The following INTU variants were observed in gnomAD, a reference collection of about 807,000 sequenced individuals.
INTU encodes protein inturned.
Under a neutral mutation model 100.5 loss-of-function variants are expected in INTU, and 68 were observed. That is an observed-to-expected ratio of 0.68 (90% CI 0.56 to 0.83). INTU has a LOEUF of 0.83. Ranked by LOEUF, INTU falls within the 40% of genes least tolerant of loss-of-function variation. The pLI, the probability that INTU is intolerant of heterozygous loss-of-function variation, is 0.00. For synonymous variants in INTU, 357 were observed against 395.7 expected (o/e 0.90, Z 1.16); for missense variants, 1,071 against 1,114.7 (o/e 0.96, Z 0.56).
At chr4:127,659,673 C>T (rs1728387367) in intron 3 of INTU, among the ~76,000 whole-genome samples, 1 of 152,142 alleles carries the variant, frequency 6.6e-6, no homozygotes. Flanking sequence ...TATCCGGGAG[C>T]TTGGGTCCAA....
chr4:127,694,402 T>G (rs1730290743), intron 8 of INTU, among the ~76,000 whole-genome samples: 1 of 152,258 alleles, frequency 6.6e-6, no homozygotes, highest in African/African-American at 2.4e-5. Context: ...ATTGCTGTGT[T>G]ATCAGTTGTA....
At chr4:127,655,404 G>A (rs938614468) in intron 2 of INTU, among the ~76,000 whole-genome samples, 1 of 150,324 alleles carries the variant, frequency 6.7e-6, no homozygotes, top group Non-Finnish European at 1.5e-5. Context: ...GGTTTTTGGT[G>A]TGGATGTCCT....
intron 9 of INTU, among the ~76,000 whole-genome samples, chr4:127,702,131 A>T (rs185298363): frequency 7.9e-5 from 12 of 152,248 alleles, no homozygotes; most frequent in Admixed American, 7.9e-4. Context: ...TTTAATGAGC[A>T]GTGGAGTTAA....
In INTU at chr4:127,685,318, T is replaced by C; in HGVS notation, c.1259+832T>C. On this transcript the variant is annotated intron_variant, in intron 7 of 15. Coordinates refer to ENST00000335251, the MANE Select transcript of INTU (RefSeq NM_015693.4). ...TCTGAGGGCTAAAATGGTATCTTTA[T>C]GTTTAAAGCCTTAGGAGTATATCAG... 1.9e-5 allele frequency: 4 copies of C among 209,226 alleles called. No individual in the cohort carries two copies. The South Asian group carries it at 2.4e-4, about 13-fold the overall frequency. 13.0% of individuals were successfully genotyped at this position (209,226 alleles called of 1,614,324 possible).
chr4:127,660,745 A>T (rs1413219165), intron 3 of INTU, among the ~76,000 whole-genome samples: 1 of 152,188 alleles, frequency 6.6e-6, no homozygotes, highest in African/African-American at 2.4e-5. Context: ...CACAAAGAAG[A>T]GGGACATAGG....
chr4:127,635,493 A>G (rs1274061508), intron 1 of INTU, among the ~76,000 whole-genome samples: 1 of 152,210 alleles, frequency 6.6e-6, no homozygotes, highest in Admixed American at 6.5e-5. Flanking sequence ...TTCAAAGTGA[A>G]TTTTTTGTTG....
At chr4:127,705,940 G>A (rs1346459267) in intron 11 of INTU, 128 bp downstream of exon 11, 4 of 668,998 alleles carry the variant, frequency 6.0e-6, no homozygotes, top group Non-Finnish European at 1.0e-5. Flanking sequence ...ACACAAACAT[G>A]CTCATGTAAA....
chr4:127,699,677 G>A (rs1406951157), intron 8 of INTU, among the ~76,000 whole-genome samples: 1 of 152,176 alleles, frequency 6.6e-6, no homozygotes, highest in African/African-American at 2.4e-5. Context: ...AAACTGGAAA[G>A]CAACTTTTGA....
At position 127,687,813 on chromosome 4, in the gene INTU, ACT is replaced by A; in HGVS notation, c.1396_1397del (p.Leu466PhefsTer26). The A allele has an allele frequency of 6.2e-7, 1 of 1,607,970 alleles. No individual in the cohort carries two copies. The highest frequency in any genetic ancestry group is 8.5e-7 in the Non-Finnish European group (1 of 1,176,146). ...AGCAGTACGATGCTTCCAGTGCAGT[ACT>A]TTTAGACAACCTCCCTGGAGTCCGG... ...AQQYDASSAV[L>X]LDNLPGVRWL... On this transcript the variant is annotated frameshift_variant, in exon 8 of 16. Coordinates refer to ENST00000335251, the MANE Select transcript of INTU (RefSeq NM_015693.4). LOFTEE classifies it high-confidence loss of function.
intron 12 of INTU, among the ~76,000 whole-genome samples, chr4:127,707,377 A>G (rs1293698943): frequency 1.7e-5 from 2 of 115,192 alleles, no homozygotes; most frequent in East Asian, 5.9e-4. Context: ...TGGGTGACAG[A>G]GTGAGACTCT....
chr4:127,704,316 G>A (rs937509168), intron 10 of INTU, 26 bp downstream of exon 10: 1 of 1,531,172 alleles, frequency 6.5e-7, no homozygotes, highest in African/African-American at 1.4e-5. Context: ...AAGTCTAAAT[G>A]TCCAGCTGCT....
At position 127,704,241 on chromosome 4, in the gene INTU, A is replaced by G. The variant is rs765640244; in HGVS notation, c.1517A>G (p.Tyr506Cys). Reference sequence around the variant, plus strand: ...TTTTTCCCCCAGTCCGAGGATTACTATGACATGAGGCGGCTGTATACAATT... The same window carrying G: ...TTTTTCCCCCAGTCCGAGGATTACTGTGACATGAGGCGGCTGTATACAATT... ...ADFAELSEDYYDMRRLYTILG... is the reference protein window; with the variant it reads ...ADFAELSEDYCDMRRLYTILG... The change falls in exon 10 of 16, where the codon TAT becomes TGT. Residue 506 changes from tyrosine (Y) to cysteine (C), a missense_variant. Transcript: ENST00000335251. 11 of 1,609,652 alleles carry G rather than the reference A, an allele frequency of 6.8e-6. No homozygotes were observed. Among genetic ancestry groups the G allele is most frequent in the South Asian group, 2.2e-5 (2 of 89,698 alleles).
At chr4:127,684,964 T>C (rs1729749582) in intron 7 of INTU, among the ~76,000 whole-genome samples, 1 of 152,106 alleles carries the variant, frequency 6.6e-6, no homozygotes, top group Admixed American at 6.6e-5. Flanking sequence ...TTTTGTGTTT[T>C]TCTTTGCTTA....
In INTU at chr4:127,697,281, T is replaced by C. The variant is rs111461214; in HGVS notation, c.1450-2729T>C. Among the ~76,000 whole-genome samples, 134 of 152,252 alleles carry C rather than the reference T, an allele frequency of 8.8e-4. 1 individual carries two copies. The highest frequency in any genetic ancestry group is 3.0e-3 in the African/African-American group (126 of 41,552). On this transcript the variant is annotated intron_variant, in intron 8 of 15. Coordinates refer to ENST00000335251, the MANE Select transcript of INTU (RefSeq NM_015693.4). ...GAAATTCCGTGACCATTCGTAGTTA[T>C]TATTTACTTCTCTCTTTCCTCTCCC...
At chr4:127,652,464 A>G (rs1727937749) in intron 2 of INTU, among the ~76,000 whole-genome samples, 2 of 94,978 alleles carry the variant, frequency 2.1e-5, no homozygotes, top group South Asian at 9.3e-4. Context: ...CTTTTTCTGC[A>G]TCTATTGAGA....
At chr4:127,706,259 G>C (rs1046182488) in intron 11 of INTU, among the ~76,000 whole-genome samples, 5 of 152,154 alleles carry the variant, frequency 3.3e-5, no homozygotes, top group African/African-American at 1.2e-4. Flanking sequence ...CTCAAAAGAA[G>C]TGGTTTGATG....
chr4:127,703,649 G>A (rs139355362), intron 9 of INTU, among the ~76,000 whole-genome samples: 86 of 152,088 alleles, frequency 5.7e-4, no homozygotes, highest in African/African-American at 2.0e-3. Context: ...GTGATATTCT[G>A]TGGTATATCT....
rs1729423806 is a variant in INTU, at chr4:127,679,691, G to T, written c.1182-4718G>T. Among the ~76,000 whole-genome samples, 5 of 151,986 alleles carry T rather than the reference G, an allele frequency of 3.3e-5. No homozygotes were observed. In the South Asian group the frequency reaches 1.0e-3, roughly 32 times the overall value. On this transcript the variant is annotated intron_variant, in intron 6 of 15. Coordinates refer to ENST00000335251, the MANE Select transcript of INTU (RefSeq NM_015693.4). ...TGACACCCTAACATCACAATTAAAA[G>T]AACTAGAAAAGCAAGAGCAAACACA...
chr4:127,677,024 C>A (rs1323196850), intron 6 of INTU, among the ~76,000 whole-genome samples: 1 of 151,816 alleles, frequency 6.6e-6, no homozygotes, highest in South Asian at 2.1e-4. Context: ...GATCAAACTG[C>A]AAGATGGCAG....
Sources: allele counts gnomAD v4.1 joint callset (sites outside exome capture counted in the v4.1 genomes callset), GRCh38; gene constraint gnomAD v4.1.1; transcripts MANE v1.5; gene names NCBI Gene and HGNC (gene_info 2026-07-23, HGNC 2026-07-21).